The following TNRC6A variants were observed in gnomAD, a reference collection of about 807,000 sequenced individuals.
TNRC6A encodes trinucleotide repeat-containing gene 6A protein.
In TNRC6A, 44 loss-of-function variants were observed where a neutral mutation model predicts 221.2. The observed-to-expected ratio is 0.20, with a 90% CI of 0.16 to 0.26. The LOEUF (loss-of-function observed/expected upper bound fraction) is 0.26, where lower values mean the gene tolerates loss of function less well. TNRC6A is among the 10% of genes least tolerant of loss of function. The pLI is 1.00. For synonymous variants in TNRC6A, 847 were observed against 838.5 expected (o/e 1.01, Z -0.18); for missense variants, 2,199 against 2,404.4 (o/e 0.91, Z 1.79).
chr16:24,716,366 T>A (rs1473052215), intron 2 of TNRC6A, among the ~76,000 whole-genome samples: 3 of 152,138 alleles, frequency 2.0e-5, no homozygotes, highest in African/African-American at 4.8e-5. Context: ...CTGTTATTCC[T>A]CATCAAACAT....
At chr16:24,712,118 T>C (rs2056216921) in intron 2 of TNRC6A, among the ~76,000 whole-genome samples, 1 of 152,214 alleles carries the variant, frequency 6.6e-6, no homozygotes, top group African/African-American at 2.4e-5. Flanking sequence ...CCTTACCTAA[T>C]ACCATTTTAT....
intron 2 of TNRC6A, among the ~76,000 whole-genome samples, chr16:24,671,950 T>C (rs992788298): frequency 1.3e-5 from 2 of 152,116 alleles, no homozygotes; most frequent in African/African-American, 4.8e-5. Context: ...TGATCCTACA[T>C]TGGATCCTGA....
chr16:24,790,684 G>A lies in TNRC6A; in HGVS notation c.2042G>A (p.Arg681His), dbSNP rs765501699. 1.2e-5 allele frequency: 20 copies of A among 1,614,200 alleles called. No homozygotes were observed. In the South Asian group the frequency reaches 1.5e-4, roughly 12 times the overall value. ...GATGGTAGTACAGAAAGCACTGGAC[G>A]CCTTGAGGAAAAAGGAACTGGGGAA... ...ESDGSTESTG[R>H]LEEKGTGESQ... is the part of the protein sequence containing the mutation. Residue 681 changes from arginine (R) to histidine (H), a missense_variant, in exon 6 of 25, where the codon CGC becomes CAC. Arg to His is a conservative substitution (Grantham distance 29, BLOSUM62 0). This residue lies in a region of TNRC6A where 1,405 missense variants were observed against 1,400.2 expected (regional missense o/e 1.00). Transcript: ENST00000395799.
At position 24,804,852 on chromosome 16, in the gene TNRC6A, G is replaced by T. The variant is rs1426307805; in HGVS notation, c.3984+1G>T. The T allele has an allele frequency of 6.2e-7, 1 of 1,613,542 alleles. No homozygotes were observed. The highest frequency in any genetic ancestry group is 1.7e-5 in the Admixed American group (1 of 59,838). On this transcript the variant is annotated splice_donor_variant, in intron 13 of 24. Transcript: ENST00000395799. LOFTEE classifies it high-confidence loss of function. ...GCAAAACTTGAATTCTGTTAGACAGGTAAGTCCAGATGTGTATTTTAGGCT... is the reference window on the plus strand; with the variant it reads ...GCAAAACTTGAATTCTGTTAGACAGTTAAGTCCAGATGTGTATTTTAGGCT...
At chr16:24,640,643 C>T (rs774381048) in intron 1 of TNRC6A, among the ~76,000 whole-genome samples, 11 of 150,452 alleles carry the variant, frequency 7.3e-5, no homozygotes, top group Non-Finnish European at 1.5e-5. Flanking sequence ...GCAGGAGGAT[C>T]GCCTGAGCCC....
intron 2 of TNRC6A, among the ~76,000 whole-genome samples, chr16:24,671,557 G>GCCC (rs1352360372): frequency 6.6e-6 from 1 of 152,228 alleles, no homozygotes; most frequent in Non-Finnish European, 1.5e-5. Context: ...TTCTCGCACT[G>GCCC]CCTGGGGAGT....
intron 5 of TNRC6A, among the ~76,000 whole-genome samples, chr16:24,787,030 G>A (rs1476264578): frequency 6.6e-6 from 1 of 152,134 alleles, no homozygotes; most frequent in African/African-American, 2.4e-5. Context: ...CACAGAGATT[G>A]AGGATCTTGC....
At chr16:24,672,305 T>C (rs1349639445) in intron 2 of TNRC6A, among the ~76,000 whole-genome samples, 1 of 152,062 alleles carries the variant, frequency 6.6e-6, no homozygotes, top group African/African-American at 2.4e-5. Context: ...TTTCTTTGTA[T>C]TTTTAGTAGA....
At chr16:24,775,429 A>T (rs556660090) in intron 4 of TNRC6A, among the ~76,000 whole-genome samples, 7 of 152,340 alleles carry the variant, frequency 4.6e-5, no homozygotes, top group Non-Finnish European at 5.9e-5. Context: ...ATATTATATT[A>T]AAAAAGTATA....
chr16:24,781,034 C>A (rs2057831719), intron 5 of TNRC6A, among the ~76,000 whole-genome samples: 2 of 136,690 alleles, frequency 1.5e-5, no homozygotes, highest in African/African-American at 6.1e-5. Flanking sequence ...TTTCTTAAGC[C>A]TCCATACTCT....
intron 2 of TNRC6A, among the ~76,000 whole-genome samples, chr16:24,665,633 G>C (rs2141953489): frequency 6.6e-6 from 1 of 152,280 alleles, no homozygotes; most frequent in South Asian, 2.1e-4. Flanking sequence ...CTGTTTGGTA[G>C]ATTGTAGGAT....
chr16:24,638,344 G>T (rs1395835431), intron 1 of TNRC6A, among the ~76,000 whole-genome samples: 7 of 152,126 alleles, frequency 4.6e-5, no homozygotes, highest in Admixed American at 6.5e-5. Flanking sequence ...CTTGAACCTG[G>T]GAGGTTCTTT....
chr16:24,634,747 T>A (rs1174816249), intron 1 of TNRC6A, among the ~76,000 whole-genome samples: 1 of 152,240 alleles, frequency 6.6e-6, no homozygotes, highest in East Asian at 1.9e-4. Flanking sequence ...GGATCCAGAA[T>A]GTGCTCTCCA....
At chr16:24,637,025 T>A (rs1448900601) in intron 1 of TNRC6A, among the ~76,000 whole-genome samples, 1 of 151,996 alleles carries the variant, frequency 6.6e-6, no homozygotes, top group South Asian at 2.1e-4. Flanking sequence ...CAGGGGTTTT[T>A]TTTGTTTGTT....
intron 5 of TNRC6A, among the ~76,000 whole-genome samples, chr16:24,779,950 A>G (rs2057804431): frequency 6.6e-6 from 1 of 152,148 alleles, no homozygotes; most frequent in Non-Finnish European, 1.5e-5. Flanking sequence ...TGTGCCTCAG[A>G]CACTTATTGA....
chr16:24,764,343 T>C (rs1311150631), intron 4 of TNRC6A, among the ~76,000 whole-genome samples: 1 of 151,794 alleles, frequency 6.6e-6, no homozygotes, highest in Non-Finnish European at 1.5e-5. Flanking sequence ...TTTTTTTTTT[T>C]TGAGACAGAG....
At chr16:24,617,690 G>A (rs182821637) in intron 1 of TNRC6A, among the ~76,000 whole-genome samples, 2 of 152,208 alleles carry the variant, frequency 1.3e-5, no homozygotes, top group Admixed American at 6.5e-5. Flanking sequence ...GGCATGGAGA[G>A]ACTAAATAAC....
chr16:24,688,342 T>A (rs1226842154), intron 2 of TNRC6A, among the ~76,000 whole-genome samples: 1 of 152,144 alleles, frequency 6.6e-6, no homozygotes, highest in Admixed American at 6.6e-5. Context: ...GAAGGGATGG[T>A]GTACAGGCTT....
At chr16:24,643,081 ATATATATATATTT>A in intron 2 of TNRC6A, among the ~76,000 whole-genome samples, 1 of 134,816 alleles carries the variant, frequency 7.4e-6, no homozygotes, top group East Asian at 2.1e-4. Context: ...TATATATATT[ATATATATATATTT>A]TATATATATA....
Sources: allele counts gnomAD v4.1 joint callset (sites outside exome capture counted in the v4.1 genomes callset), GRCh38; gene constraint gnomAD v4.1.1; regional missense constraint gnomAD v4.1.1; transcripts MANE v1.5; gene names NCBI Gene and HGNC (gene_info 2026-07-23, HGNC 2026-07-21).